The following AQP6 variants were observed in gnomAD, a reference collection of about 807,000 sequenced individuals.
The protein encoded by AQP6 is aquaporin-6.
Under a neutral mutation model 16.3 loss-of-function variants are expected in AQP6, and 14 were observed. The observed-to-expected ratio is 0.86, with a 90% CI of 0.57 to 1.34. The LOEUF (loss-of-function observed/expected upper bound fraction) is 1.34. Among genes scored for constraint, AQP6 ranks in the 40% most tolerant of loss-of-function variants. AQP6 has a pLI of 0.00. For synonymous variants in AQP6, 178 were observed against 166.8 expected (o/e 1.07, Z -0.52); for missense variants, 331 against 379.7 (o/e 0.87, Z 1.07).
Position 49,975,500 on chromosome 12 carries a change from G to T in AQP6, c.678G>T (p.Leu226=). Residue 226 remains leucine (L), a synonymous_variant, in exon 4 of 4, where the codon CTG becomes CTT. Coordinates refer to ENST00000315520, the MANE Select transcript of AQP6 (RefSeq NM_001652.4). The surrounding 1 kb of genome is among the most constrained non-coding windows in gnomAD (Gnocchi z 4.4). The part of the protein sequence containing the change: ...FWVGPLMGAL[L]ASLIYNFVLF... ...TGGGGCCCCTGATGGGAGCCCTCCTGGCCTCACTGATCTACAACTTCGTCC... is the reference window on the plus strand; with the variant it reads ...TGGGGCCCCTGATGGGAGCCCTCCTTGCCTCACTGATCTACAACTTCGTCC... 4 of 1,612,022 alleles carry T rather than the reference G, an allele frequency of 2.5e-6. 1 individual carries two copies. The highest frequency in any genetic ancestry group is 3.4e-6 in the Non-Finnish European group (4 of 1,179,328).
Position 49,975,619 on chromosome 12 carries a change from TGAA to T in AQP6, c.802_804del (p.Lys268del), listed in dbSNP as rs1472623422. 46 of 1,594,642 alleles carry T rather than the reference TGAA, an allele frequency of 2.9e-5. No homozygotes were observed. The highest frequency in any genetic ancestry group is 3.7e-5 in the Non-Finnish European group (43 of 1,174,382). On this transcript the variant is annotated inframe_deletion, in exon 4 of 4. Coordinates refer to ENST00000315520, the MANE Select transcript of AQP6 (RefSeq NM_001652.4). This position sits in a 1 kb window ranked among gnomAD's most constrained non-coding sequence, Gnocchi z 4.4. ...GGGGCAGGGGCAGGGGCGGAGCCCCTGAAGAAGGAATCCCAGCCGGGTTCGGGA... is the reference window on the plus strand; with the variant it reads ...GGGGCAGGGGCAGGGGCGGAGCCCCTGAAGGAATCCCAGCCGGGTTCGGGA...
Position 49,975,736 on chromosome 12 carries a change from C to A in AQP6, c.*65C>A. ...TGCAGGACCTGCCTGGAGGTTCTCC[C>A]TGGGGGTGGCGGGAGGGGGAGGCTT... On this transcript the variant is annotated 3_prime_UTR_variant, in exon 4 of 4. Transcript: ENST00000315520. The surrounding 1 kb of genome is among the most constrained non-coding windows in gnomAD (Gnocchi z 4.4). 1 of 1,405,188 alleles carries A rather than the reference C, an allele frequency of 7.1e-7. No homozygotes were observed. Among genetic ancestry groups the A allele is most frequent in the East Asian group, 2.8e-5 (1 of 35,916 alleles). The allele number at this position is 1,405,188 out of a possible 1,614,324, so 87.0% of individuals were successfully genotyped here. A position where few individuals can be genotyped will look rare whatever the true frequency, so the allele number is the denominator to read the frequency against.
rs1947565390 is a variant in AQP6 at position 49,975,545 on chromosome 12, C to A, written c.723C>A (p.Thr241=). The part of the protein sequence containing the change: ...YNFVLFPDTK[T]LAQRLAILTG... ...TCGTCCTGTTCCCCGACACCAAGAC[C>A]CTGGCGCAGCGGCTGGCTATCCTCA... is the stretch of plus-strand genomic sequence containing the variant. The change falls in exon 4 of 4, where the codon ACC becomes ACA. Residue 241 remains threonine, a synonymous_variant. Transcript: ENST00000315520. This position sits in a 1 kb window ranked among gnomAD's most constrained non-coding sequence, Gnocchi z 4.4. 2 of 1,613,840 alleles carry A rather than the reference C, an allele frequency of 1.2e-6. No homozygotes were observed. The highest frequency in any genetic ancestry group is 1.7e-6 in the Non-Finnish European group (2 of 1,179,902).
chr12:49,975,302 T>A lies in AQP6; in HGVS notation c.643-163T>A. 1 of 1,417,320 alleles carries A rather than the reference T, an allele frequency of 7.1e-7. No individual in the cohort carries two copies. 87.8% of individuals were successfully genotyped at this position (1,417,320 alleles called of 1,614,324 possible). On this transcript the variant is annotated intron_variant, in intron 3 of 3. Transcript: ENST00000315520. This position sits in a 1 kb window ranked among gnomAD's most constrained non-coding sequence, Gnocchi z 4.4. ...CAAGGGGCAAGGTCCCCTTACCTTG[T>A]GGGCTTGGGAAACACGACTCGTGGT...
Position 49,973,451 on chromosome 12 carries a change from C to T in AQP6, c.278C>T (p.Ser93Phe), listed in dbSNP as rs756828233. Residue 93 changes from serine (S) to phenylalanine (F), a missense_variant, in exon 1 of 4, where the codon TCC becomes TTC. Transcript: ENST00000315520. Reference sequence around the variant, plus strand: ...GTGACGCTGGCCTTCCTCGTAGGCTCCCACATCTCTCTGCCCCGTGCTGTG... The same window carrying T: ...GTGACGCTGGCCTTCCTCGTAGGCTTCCACATCTCTCTGCCCCGTGCTGTG... ...PAVTLAFLVGSHISLPRAVAY... is the reference protein window; with the variant it reads ...PAVTLAFLVGFHISLPRAVAY... The T allele has an allele frequency of 8.7e-6, 14 of 1,613,608 alleles. No homozygotes were observed. The highest frequency in any genetic ancestry group is 1.2e-5 in the Non-Finnish European group (14 of 1,180,052).
chr12:49,973,021 G>A lies in AQP6; in HGVS notation c.-153G>A. On this transcript the variant is annotated 5_prime_UTR_variant, in exon 1 of 4. The change creates a premature stop within an existing upstream ORF in the 5' untranslated region. Transcript: ENST00000315520. ...CAGTCCTGGGGACAGGAGCGTGGTG[G>A]AGGAGCTGCAGGTGGGGGCCAGAGA... 9.4e-7 allele frequency: 1 copy of A among 1,063,870 alleles called. No homozygotes were observed. The highest frequency in any genetic ancestry group is 1.3e-6 in the Non-Finnish European group (1 of 759,796). The allele number at this position is 1,063,870 out of a possible 1,614,324, so 65.9% of individuals were successfully genotyped here.
At chr12:49,974,179 G>A in intron 1 of AQP6, 145 bp from the exon 2 acceptor site, 1 of 1,402,196 alleles carries the variant, frequency 7.1e-7, no homozygotes, top group Non-Finnish European at 9.3e-7. Flanking sequence ...GGACCCCTCT[G>A]CACAGGCCTC....
chr12:49,973,259 CAG>C lies in AQP6; in HGVS notation c.89_90del (p.Glu30ValfsTer284). 6.2e-7 allele frequency: 1 copy of C among 1,613,990 alleles called. No homozygotes were observed. The highest frequency in any genetic ancestry group is 8.5e-7 in the Non-Finnish European group (1 of 1,180,024). On this transcript the variant is annotated frameshift_variant, in exon 1 of 4. Coordinates refer to ENST00000315520, the MANE Select transcript of AQP6 (RefSeq NM_001652.4). LOFTEE classifies it high-confidence loss of function. ...AAAGCCATCAGCAGGGCGCTGTTTG[CAG>C]AGTTCCTGGCCACGGGGCTGTATGT... is the stretch of plus-strand genomic sequence containing the variant.
At chr12:49,973,851 C>T (rs577415146) in intron 1 of AQP6, 34 of 1,224,534 alleles carry the variant, frequency 2.8e-5, no homozygotes, top group Middle Eastern at 2.1e-4. Flanking sequence ...AGGGTAGATG[C>T]GGCCAAGGGA....
In AQP6 at chr12:49,973,157, G is replaced by T; in HGVS notation, c.-17G>T. The T allele has an allele frequency of 6.3e-7, 1 of 1,584,432 alleles. No individual in the cohort carries two copies. The highest frequency in any genetic ancestry group is 2.2e-5 in the East Asian group (1 of 44,588). On this transcript the variant is annotated 5_prime_UTR_variant, in exon 1 of 4. Transcript: ENST00000315520. ...GAGGCCCCAGAGCAAGGCAAGGAAC[G>T]GCCAAGGCACCAGGACATGGATGCA...
chr12:49,973,465 C>T lies in AQP6; in HGVS notation c.292C>T (p.Pro98Ser), dbSNP rs148360286. The T allele has an allele frequency of 1.2e-6, 2 of 1,613,804 alleles. No homozygotes were observed. The highest frequency in any genetic ancestry group is 1.1e-5 in the South Asian group (1 of 91,090). The change falls in exon 1 of 4, where the codon CCC becomes TCC. Residue 98 changes from proline to serine, a missense_variant. Pro to Ser is a moderately conservative substitution (Grantham distance 74). Transcript: ENST00000315520. ...AFLVGSHISLPRAVAYVAAQL... is the reference protein window; with the variant it reads ...AFLVGSHISLSRAVAYVAAQL... ...CCTCGTAGGCTCCCACATCTCTCTGCCCCGTGCTGTGGCCTATGTGGCTGC... is the reference window on the plus strand; with the variant it reads ...CCTCGTAGGCTCCCACATCTCTCTGTCCCGTGCTGTGGCCTATGTGGCTGC...
In AQP6 at chr12:49,973,299, G is replaced by C; in HGVS notation, c.126G>C (p.Val42=). The change falls in exon 1 of 4, where the codon GTG becomes GTC. Residue 42 remains valine (V), a synonymous_variant. Transcript: ENST00000315520. The part of the protein sequence containing the change: ...LATGLYVFFG[V]GSVMRWPTAL... The stretch of plus-strand genomic sequence containing the variant: ...CGGGGCTGTATGTGTTCTTTGGCGT[G>C]GGCTCAGTCATGCGCTGGCCCACAG... The C allele has an allele frequency of 6.2e-7, 1 of 1,613,778 alleles. No homozygotes were observed. The highest frequency in any genetic ancestry group is 1.6e-4 in the Middle Eastern group (1 of 6,062).
In AQP6 at chr12:49,974,807, G is replaced by T. The variant is rs768027849; in HGVS notation, c.623G>T (p.Gly208Val). ...ARSFGPAIII[G>V]KFTVHWVFWV... ...TCCTTCGGCCCTGCCATCATCATTG[G>T]GAAGTTCACAGTCCACTGGGTGAGC... Residue 208 changes from glycine (G) to valine (V), a missense_variant, in exon 3 of 4, where the codon GGG becomes GTG. By Grantham distance (109) the Gly-to-Val change is moderately radical (BLOSUM62 -3). Transcript: ENST00000315520. 3 of 1,614,192 alleles carry T rather than the reference G, an allele frequency of 1.9e-6. No homozygotes were observed. The highest frequency in any genetic ancestry group is 1.7e-5 in the Admixed American group (1 of 60,020).
chr12:49,974,303 A>T, intron 1 of AQP6, 21 bp from the exon 2 acceptor site: 1 of 1,520,864 alleles, frequency 6.6e-7, no homozygotes, highest in Non-Finnish European at 8.9e-7. Flanking sequence ...CGTCTGGTCC[A>T]GAGTAACTCC....
intron 1 of AQP6, 97 bp from the exon 2 acceptor site, chr12:49,974,227 C>A: frequency 7.0e-7 from 1 of 1,431,886 alleles, no homozygotes; most frequent in Non-Finnish European, 9.2e-7. Context: ...AGGTGTCACC[C>A]CCCTCCAGCT....
chr12:49,974,042 T>C, intron 1 of AQP6: 1 of 1,210,738 alleles, frequency 8.3e-7, no homozygotes. Context: ...CCAAATCTCC[T>C]CCTTCCACAC....
intron 2 of AQP6, 44 bp downstream of exon 2, chr12:49,974,526 C>T (rs758661895): frequency 2.6e-6 from 4 of 1,553,028 alleles, no homozygotes; most frequent in Admixed American, 1.8e-5. Flanking sequence ...ACACCGGGTC[C>T]GTCCCCGGGG....
At chr12:49,973,699 C>T (rs1565644481) in intron 1 of AQP6, 124 bp downstream of exon 1, 1 of 1,356,122 alleles carries the variant, frequency 7.4e-7, no homozygotes, top group Non-Finnish European at 9.8e-7. Flanking sequence ...GCTCCACATC[C>T]TCCCGGGCTG....
rs1243289113 is a variant in AQP6 at position 49,975,743 on chromosome 12, T to C, written c.*72T>C. ...CCTGCCTGGAGGTTCTCCCTGGGGG[T>C]GGCGGGAGGGGGAGGCTTGACCTTT... On this transcript the variant is annotated 3_prime_UTR_variant, in exon 4 of 4. Transcript: ENST00000315520. This position sits in a 1 kb window ranked among gnomAD's most constrained non-coding sequence, Gnocchi z 4.4. 1.6e-6 allele frequency: 2 copies of C among 1,274,050 alleles called. No individual in the cohort carries two copies. The highest frequency in any genetic ancestry group is 2.1e-6 in the Non-Finnish European group (2 of 974,576). 78.9% of individuals were successfully genotyped at this position (1,274,050 alleles called of 1,614,324 possible).
Sources: gnomAD v4.1 joint callset for allele counts on GRCh38, gnomAD v4.1.1 for gene constraint, Gnocchi (gnomAD v3.1) non-coding constraint, MANE v1.5 for transcripts, NCBI Gene and HGNC (gene_info 2026-07-23, HGNC 2026-07-21) for gene names.